Variants in ZNF28 observed in about 807,000 individuals in gnomAD.
ZNF28 encodes zinc finger protein KOX24.
ZNF28 carries 5 observed loss-of-function variants against 7.2 expected under a neutral mutation model. That is an observed-to-expected ratio of 0.70 (90% confidence interval 0.36 to 1.46). The LOEUF (loss-of-function observed/expected upper bound fraction) is 1.46, where lower values mean the gene tolerates loss of function less well. ZNF28 is among the 40% of genes most tolerant of loss of function. ZNF28 has a pLI of 0.03. For missense variants in ZNF28, 879 were observed against 866.6 expected, an observed-to-expected ratio of 1.01 and a Z score of -0.18; for synonymous variants, 288 against 292.4, an observed-to-expected ratio of 0.99 and a Z score of 0.15.
At position 52,799,036 on chromosome 19, in the gene ZNF28, A is replaced by G; in HGVS notation, c.*652T>C. ...TACATTTGTATGTTTTTTCTCCAGT[A>G]TGAATTCTCCTGTCTTTCAAGCTGT... On this transcript the variant is annotated 3_prime_UTR_variant, in exon 4 of 4. Coordinates refer to ENST00000457749, the MANE Select transcript of ZNF28 (RefSeq NM_006969.5). The G allele has an allele frequency of 3.4e-6, 2 of 593,204 alleles. No homozygotes were observed. The highest frequency in any genetic ancestry group is 5.7e-6 in the Non-Finnish European group (2 of 349,930). The allele number at this position is 593,204 out of a possible 1,614,324, so 36.7% of individuals were successfully genotyped here.
chr19:52,799,310 G>T lies in ZNF28; in HGVS notation c.*378C>A. The T allele has an allele frequency of 2.3e-6, 1 of 440,090 alleles. No homozygotes were observed. Among genetic ancestry groups the T allele is most frequent in the Non-Finnish European group, 4.3e-6 (1 of 234,056 alleles). 27.3% of individuals were successfully genotyped at this position (440,090 alleles called of 1,614,324 possible). A position where few individuals can be genotyped will look rare whatever the true frequency, so the allele number is the denominator to read the frequency against. On this transcript the variant is annotated 3_prime_UTR_variant, in exon 4 of 4. Transcript: ENST00000457749. ...TTTGAATTCTAATATGTTTTGCCAG[G>T]TATGAATTATATTCAAAAATCTTGT...
At chr19:52,811,757 A>G in intron 2 of ZNF28, among the ~76,000 whole-genome samples, 1 of 141,586 alleles carries the variant, frequency 7.1e-6, no homozygotes, top group East Asian at 2.2e-4. Context: ...TCCGGGAGGG[A>G]GGTCGGGGGG....
chr19:52,811,593 G>A (rs2063040805), intron 2 of ZNF28, among the ~76,000 whole-genome samples: 1 of 147,330 alleles, frequency 6.8e-6, no homozygotes, highest in African/African-American at 2.6e-5. Context: ...AACCCTGTCT[G>A]GGAGGTGAGG....
intron 2 of ZNF28, among the ~76,000 whole-genome samples, chr19:52,811,839 G>A: frequency 6.8e-6 from 1 of 146,096 alleles, no homozygotes; most frequent in South Asian, 2.2e-4. Flanking sequence ...CCCCTACTGG[G>A]AAGTGAGGAC....
rs2062967914 is a variant in ZNF28 at position 52,808,540 on chromosome 19, G to A, written c.16-407C>T. On this transcript the variant is annotated intron_variant, in intron 2 of 3. Coordinates refer to ENST00000457749, the MANE Select transcript of ZNF28 (RefSeq NM_006969.5). ...TAATCCCAGCTACGCAGGAGGCTGA[G>A]GCAGAATTGCCTGATCCTGGGAGGC... Among the ~76,000 whole-genome samples the A allele has an allele frequency of 2.6e-5, 4 of 152,062 alleles. No individual in the cohort carries two copies. In the South Asian group the frequency reaches 6.2e-4, roughly 24 times the overall value.
At chr19:52,817,859 C>G (rs1043381641) in intron 2 of ZNF28, 85 bp downstream of exon 2, 1 of 1,597,622 alleles carries the variant, frequency 6.3e-7, no homozygotes, top group Admixed American at 1.7e-5. Context: ...CAGGACACTT[C>G]AGACTCAGAG....
Position 52,800,777 on chromosome 19 carries a change from C to A in ZNF28, c.1068G>T (p.Lys356Asn). ...TAAAAACCTTGCCACATTCATTACA[C>A]TTGTAAGGTTTCTCTCCAGTGTGAA... The part of the protein sequence containing the change: ...TIIHTGEKPY[K>N]CNECGKVFNR... Residue 356 changes from lysine to asparagine, a missense_variant, in exon 4 of 4, where the codon AAG becomes AAT. This residue lies in a region of ZNF28 where 864 missense variants were observed against 830.2 expected (regional missense o/e 1.04). Transcript: ENST00000457749. 1 of 1,613,976 alleles carries A rather than the reference C, an allele frequency of 6.2e-7. No individual in the cohort carries two copies. The highest frequency in any genetic ancestry group is 8.5e-7 in the Non-Finnish European group (1 of 1,179,990).
chr19:52,801,744 A>G (rs1319655069), intron 3 of ZNF28, 42 bp from the exon 4 acceptor site: 2 of 1,536,570 alleles, frequency 1.3e-6, no homozygotes, highest in Non-Finnish European at 8.9e-7. Context: ...TGAAGTACAG[A>G]TGGTGTATAA....
intron 1 of ZNF28, among the ~76,000 whole-genome samples, chr19:52,820,767 T>C (rs752697506): frequency 6.6e-6 from 1 of 152,302 alleles, no homozygotes; most frequent in Middle Eastern, 3.4e-3. Context: ...CAGTTGCTTT[T>C]CTCCTCCTGC....
intron 2 of ZNF28, 109 bp from the exon 3 acceptor site, chr19:52,808,242 C>A (rs2062962608): frequency 6.5e-7 from 1 of 1,530,302 alleles, no homozygotes; most frequent in African/African-American, 1.4e-5. Flanking sequence ...AATGTTCTCA[C>A]AAATCCGAGT....
chr19:52,806,740 A>G (rs1466884023), intron 3 of ZNF28, among the ~76,000 whole-genome samples: 3 of 151,936 alleles, frequency 2.0e-5, no homozygotes, highest in African/African-American at 7.3e-5. Context: ...TGTCTCTACT[A>G]AAAACACAAA....
At chr19:52,810,527 A>G in intron 2 of ZNF28, 1 of 1,597,030 alleles carries the variant, frequency 6.3e-7, no homozygotes. Flanking sequence ...GGTGATCCCA[A>G]AGCGAACCAA....
intron 1 of ZNF28, among the ~76,000 whole-genome samples, chr19:52,818,462 C>T (rs2063154740): frequency 6.6e-6 from 1 of 151,990 alleles, no homozygotes; most frequent in Admixed American, 6.6e-5. Context: ...CCTGTAATAC[C>T]AACACTCTGA....
At chr19:52,818,841 A>G (rs7258684) in intron 1 of ZNF28, among the ~76,000 whole-genome samples, 84,939 of 140,356 alleles carry the variant, frequency 0.61, 28,845 homozygotes, top group Non-Finnish European at 0.7. Flanking sequence ...CAAGATCACA[A>G]GACTGCACTC....
Position 52,801,720 on chromosome 19 carries a change from C to A in ZNF28, c.143-18G>T. On this transcript the variant is annotated intron_variant, in intron 3 of 3. Transcript: ENST00000457749. Reference sequence around the variant, plus strand: ...AGAGATATCTACAAAATATAAACACCAATAGGTTTCCAATGAAGTACAGAT... The same window carrying A: ...AGAGATATCTACAAAATATAAACACAAATAGGTTTCCAATGAAGTACAGAT... The A allele has an allele frequency of 6.3e-7, 1 of 1,599,314 alleles. No homozygotes were observed. Among genetic ancestry groups the A allele is most frequent in the Non-Finnish European group, 8.5e-7 (1 of 1,171,900 alleles).
intron 3 of ZNF28, among the ~76,000 whole-genome samples, chr19:52,804,372 C>T (rs1303833349): frequency 2.0e-5 from 3 of 152,108 alleles, no homozygotes; most frequent in African/African-American, 7.2e-5. Context: ...TCTCCTACCT[C>T]AAGTGATTCT....
In ZNF28 at chr19:52,797,755, C is replaced by G. The variant is rs2062814567; in HGVS notation, c.*1933G>C. 1 of 152,176 alleles carries G rather than the reference C, an allele frequency of 6.6e-6. No homozygotes were observed. Among genetic ancestry groups the G allele is most frequent in the Non-Finnish European group, 1.5e-5 (1 of 68,006 alleles). 9.4% of individuals were successfully genotyped at this position (152,176 alleles called of 1,614,324 possible). A position where few individuals can be genotyped will look rare whatever the true frequency, so the allele number is the denominator to read the frequency against. ...ACTGATTGGAAAAATTAGTATTGCT[C>G]AATGATTATATAACCGAATGTGATT... On this transcript the variant is annotated 3_prime_UTR_variant, in exon 4 of 4. Transcript: ENST00000457749.
chr19:52,803,099 A>C (rs1004162300), intron 3 of ZNF28, among the ~76,000 whole-genome samples: 1 of 149,600 alleles, frequency 6.7e-6, no homozygotes, highest in African/African-American at 2.5e-5. Flanking sequence ...TATTTTTTTG[A>C]GATACAGTGT....
At position 52,798,923 on chromosome 19, in the gene ZNF28, T is replaced by A; in HGVS notation, c.*765A>T. On this transcript the variant is annotated 3_prime_UTR_variant, in exon 4 of 4. Transcript: ENST00000457749. ...CTGCCCACTAAAGGCTTTGCCACAC[T>A]CATTGCACTTGTAAGGTTTCTCTCC... The A allele has an allele frequency of 7.0e-7, 1 of 1,435,400 alleles. No individual in the cohort carries two copies. The highest frequency in any genetic ancestry group is 9.4e-7 in the Non-Finnish European group (1 of 1,062,148). The allele number at this position is 1,435,400 out of a possible 1,614,324, so 88.9% of individuals were successfully genotyped here.
Sources: gnomAD v4.1 joint callset for allele counts (sites outside exome capture counted in the v4.1 genomes callset) on GRCh38, gnomAD v4.1.1 for gene constraint, gnomAD v4.1.1 regional missense constraint, MANE v1.5 for transcripts, NCBI Gene and HGNC (gene_info 2026-07-23, HGNC 2026-07-21) for gene names.